FHIT: variants seen among roughly 807,000 people sequenced by gnomAD.
FHIT encodes fragile histidine triad diadenosine triphosphatase, also known as bis(5'-adenosyl)-triphosphatase.
Under a neutral mutation model 17.9 loss-of-function variants are expected in FHIT, and 19 were observed. The observed-to-expected ratio is 1.06, with a 90% CI of 0.74 to 1.56. FHIT has a LOEUF of 1.56. FHIT is among the 40% of genes most tolerant of loss of function. The pLI, the probability that FHIT is intolerant of heterozygous loss-of-function variation, is 0.00. For synonymous variants in FHIT, 81 were observed against 69.7 expected (o/e 1.16, Z -0.81); for missense variants, 248 against 189.2 (o/e 1.31, Z -1.82).
chr3:59,864,776 C>G (rs1702563874), intron 8 of FHIT, among the ~76,000 whole-genome samples: 1 of 150,142 alleles, frequency 6.7e-6, no homozygotes, highest in Non-Finnish European at 1.5e-5. Context: ...AGGGGGCATT[C>G]AGACTTAACC....
At chr3:60,458,222 G>A (rs920422588) in intron 5 of FHIT, among the ~76,000 whole-genome samples, 4 of 152,040 alleles carry the variant, frequency 2.6e-5, no homozygotes, top group African/African-American at 9.7e-5. Context: ...AGAAAATGTG[G>A]CACATATACA....
intron 5 of FHIT, among the ~76,000 whole-genome samples, chr3:60,396,850 G>T (rs183229607): frequency 2.6e-5 from 4 of 152,170 alleles, no homozygotes; most frequent in African/African-American, 7.2e-5. Context: ...TAAATTCAAG[G>T]ATACATATAA....
chr3:59,982,280 T>C (rs750684847), intron 7 of FHIT, among the ~76,000 whole-genome samples: 23 of 152,062 alleles, frequency 1.5e-4, no homozygotes, highest in Non-Finnish European at 2.6e-4. Context: ...AAAAAGAAGG[T>C]ATGAAAATCT....
intron 4 of FHIT, among the ~76,000 whole-genome samples, chr3:60,559,438 T>A (rs1225460360): frequency 1.3e-5 from 2 of 152,178 alleles, no homozygotes; most frequent in African/African-American, 4.8e-5. Flanking sequence ...AAAGATATTT[T>A]CTCAAGTTAC....
chr3:60,322,647 T>C (rs551341468), intron 5 of FHIT, among the ~76,000 whole-genome samples: 22 of 152,350 alleles, frequency 1.4e-4, no homozygotes, highest in Admixed American at 9.2e-4. Context: ...TCCAGCCACC[T>C]TTCTTTGAAA....
intron 8 of FHIT, among the ~76,000 whole-genome samples, chr3:59,863,180 G>A (rs1702482669): frequency 2.0e-5 from 3 of 152,178 alleles, no homozygotes; most frequent in Admixed American, 2.0e-4. Flanking sequence ...TGCCAATGCA[G>A]TTACCCACTC....
chr3:60,779,244 T>C (rs958260385), intron 4 of FHIT, among the ~76,000 whole-genome samples: 20 of 152,204 alleles, frequency 1.3e-4, no homozygotes, highest in African/African-American at 4.6e-4. Flanking sequence ...TGTTCCAAAA[T>C]TTGCCATACA....
chr3:60,541,291 A>G (rs1160735349), intron 4 of FHIT, among the ~76,000 whole-genome samples: 3 of 152,204 alleles, frequency 2.0e-5, no homozygotes, highest in Non-Finnish European at 4.4e-5. Flanking sequence ...GCAGTGCTTC[A>G]GATATTTGGA....
At chr3:60,855,165 C>T (rs1463323327) in intron 3 of FHIT, among the ~76,000 whole-genome samples, 2 of 152,106 alleles carry the variant, frequency 1.3e-5, no homozygotes, top group Non-Finnish European at 2.9e-5. Context: ...GATAACAAAA[C>T]CCAAATTCTG....
chr3:60,755,484 T>C lies in FHIT; in HGVS notation c.-18+66435A>G, dbSNP rs150776452. ...GATGACAATGACTCTGTGATCTGCA[T>C]TGGACCCATGGAACCACTAATTTGC... On this transcript the variant is annotated intron_variant, in intron 4 of 9. Transcript: ENST00000492590. Among the ~76,000 whole-genome samples the C allele has an allele frequency of 5.5e-3, 845 of 152,308 alleles. 25 individuals are homozygous for C. The highest frequency in any genetic ancestry group is 0.052 in the Admixed American group (792 of 15,296).
At chr3:60,586,345 C>A (rs536235883) in intron 4 of FHIT, among the ~76,000 whole-genome samples, 2 of 152,114 alleles carry the variant, frequency 1.3e-5, no homozygotes, top group East Asian at 1.9e-4. Context: ...CAGATGTGCT[C>A]TTATCCAGCA....
At position 60,417,112 on chromosome 3, in the gene FHIT, T is replaced by C. The variant is rs537851202; in HGVS notation, c.103+119748A>G. On this transcript the variant is annotated intron_variant, in intron 5 of 9. Coordinates refer to ENST00000492590, the MANE Select transcript of FHIT (RefSeq NM_002012.4). Reference sequence around the variant, plus strand: ...TCAGAAAGAAAAAAAAAAAAAAAAATTTGAGAACAACTATTAGATCATCAA... The same window carrying C: ...TCAGAAAGAAAAAAAAAAAAAAAAACTTGAGAACAACTATTAGATCATCAA... Among the ~76,000 whole-genome samples the C allele has an allele frequency of 7.8e-4, 117 of 150,222 alleles. 1 individual carries two copies. The highest frequency in any genetic ancestry group is 1.3e-3 in the Non-Finnish European group (87 of 67,562).
chr3:60,111,163 G>A (rs1704653282), intron 5 of FHIT, among the ~76,000 whole-genome samples: 1 of 152,142 alleles, frequency 6.6e-6, no homozygotes, highest in South Asian at 2.1e-4. Context: ...ACTAAAGAAT[G>A]TCACCGCATA....
chr3:60,836,050 T>G (rs1702531648), intron 3 of FHIT, among the ~76,000 whole-genome samples: 1 of 152,232 alleles, frequency 6.6e-6, no homozygotes, highest in African/African-American at 2.4e-5. Flanking sequence ...TCATTTCCCT[T>G]TCTTGCCTTA....
intron 5 of FHIT, among the ~76,000 whole-genome samples, chr3:60,089,323 T>G (rs549367216): frequency 2.2e-4 from 34 of 151,996 alleles, no homozygotes; most frequent in African/African-American, 4.6e-4. Flanking sequence ...TATTTTTGGG[T>G]TTTTTTTGTT....
chr3:60,448,442 C>T (rs1382192990), intron 5 of FHIT, among the ~76,000 whole-genome samples: 1 of 152,176 alleles, frequency 6.6e-6, no homozygotes, highest in East Asian at 1.9e-4. Flanking sequence ...AGAGCATTTT[C>T]TGTATGTGGT....
intron 7 of FHIT, among the ~76,000 whole-genome samples, chr3:59,985,466 C>CA (rs1357675959): frequency 5.3e-5 from 8 of 151,968 alleles, no homozygotes; most frequent in Non-Finnish European, 1.0e-4. Context: ...ATCCCTATTC[C>CA]AAAAAATAAA....
chr3:60,549,731 A>G (rs988492164), intron 4 of FHIT, among the ~76,000 whole-genome samples: 1 of 152,220 alleles, frequency 6.6e-6, no homozygotes, highest in African/African-American at 2.4e-5. Context: ...ACAATCTACC[A>G]TGAAAATTAA....
intron 2 of FHIT, among the ~76,000 whole-genome samples, chr3:61,077,678 A>T (rs938333346): frequency 6.6e-6 from 1 of 152,128 alleles, no homozygotes; most frequent in African/African-American, 2.4e-5. Context: ...CTCAAAAGAT[A>T]CTGGCATCTG....
Sources: gnomAD v4.1 joint callset for allele counts (sites outside exome capture counted in the v4.1 genomes callset) on GRCh38, gnomAD v4.1.1 for gene constraint, MANE v1.5 for transcripts, NCBI Gene and HGNC (gene_info 2026-07-23, HGNC 2026-07-21) for gene names.